GRID1: variants seen among roughly 807,000 people sequenced by gnomAD.
GRID1 encodes glutamate receptor ionotropic, delta-1.
Under a neutral mutation model 98.0 loss-of-function variants are expected in GRID1, and 28 were observed. The ratio of observed to expected loss-of-function variants is 0.29; its 90% confidence interval spans 0.21 to 0.39. The LOEUF is 0.39. Ranked by LOEUF, GRID1 falls within the 10% of genes least tolerant of loss-of-function variation. The pLI, the probability that GRID1 is intolerant of heterozygous loss-of-function variation, is 1.00. For synonymous variants in GRID1, 553 were observed against 538.5 expected (o/e 1.03, Z -0.37); for missense variants, 1,111 against 1,340.5 (o/e 0.83, Z 2.67).
At chr10:85,912,854 C>T (rs1041784075) in intron 5 of GRID1, among the ~76,000 whole-genome samples, 1 of 152,212 alleles carries the variant, frequency 6.6e-6, no homozygotes, top group Non-Finnish European at 1.5e-5. Context: ...ATAAGACAAA[C>T]AGGAAGGTGG....
intron 5 of GRID1, among the ~76,000 whole-genome samples, chr10:85,912,762 G>T (rs1003861893): frequency 6.6e-6 from 1 of 152,238 alleles, no homozygotes; most frequent in African/African-American, 2.4e-5. Flanking sequence ...TCTGGAGCAT[G>T]TTGGAAAGTG....
chr10:86,131,684 T>C lies in GRID1; in HGVS notation c.726+7135A>G, dbSNP rs75575923. ...TAAACACCAGAAAGTCCAGCGGCACTCAGGCCTTTTTCCCTGATGATTGCT... is the reference window on the plus strand; with the variant it reads ...TAAACACCAGAAAGTCCAGCGGCACCCAGGCCTTTTTCCCTGATGATTGCT... On this transcript the variant is annotated intron_variant, in intron 4 of 15. Transcript: ENST00000327946. Among the ~76,000 whole-genome samples, 18 of 152,352 alleles carry C rather than the reference T, an allele frequency of 1.2e-4. 1 individual carries two copies. Among genetic ancestry groups the C allele is most frequent in the African/African-American group, 4.1e-4 (17 of 41,588 alleles).
chr10:85,822,884 T>C (rs996069127), intron 8 of GRID1, among the ~76,000 whole-genome samples: 1 of 152,228 alleles, frequency 6.6e-6, no homozygotes, highest in Non-Finnish European at 1.5e-5. Flanking sequence ...TCACATCCTT[T>C]GTAGGGACAT....
intron 4 of GRID1, among the ~76,000 whole-genome samples, chr10:86,031,116 C>A (rs1464491143): frequency 6.6e-6 from 1 of 152,134 alleles, no homozygotes; most frequent in Non-Finnish European, 1.5e-5. Context: ...ACAGAGAGAG[C>A]TGTTTCTCTT....
chr10:86,347,799 A>G (rs1848406592), intron 2 of GRID1, among the ~76,000 whole-genome samples: 1 of 152,198 alleles, frequency 6.6e-6, no homozygotes, highest in Non-Finnish European at 1.5e-5. Flanking sequence ...CATGATTATT[A>G]TGACTCACAT....
chr10:86,330,571 C>T (rs1848125156), intron 2 of GRID1, among the ~76,000 whole-genome samples: 1 of 152,198 alleles, frequency 6.6e-6, no homozygotes, highest in Admixed American at 6.5e-5. Context: ...AGCATCTCAC[C>T]CCGTTCTTGC....
chr10:86,312,175 A>G (rs1847840605), intron 2 of GRID1, among the ~76,000 whole-genome samples: 1 of 152,314 alleles, frequency 6.6e-6, no homozygotes, highest in South Asian at 2.1e-4. Context: ...CTATCTCCAA[A>G]TGTTTCTAGA....
chr10:86,297,581 G>A (rs1847612616), intron 2 of GRID1, among the ~76,000 whole-genome samples: 1 of 152,120 alleles, frequency 6.6e-6, no homozygotes, highest in Non-Finnish European at 1.5e-5. Context: ...GTTTCATACT[G>A]ATAAAAGAAA....
chr10:85,797,741 C>T (rs937065866), intron 8 of GRID1, among the ~76,000 whole-genome samples: 4 of 152,144 alleles, frequency 2.6e-5, no homozygotes, highest in African/African-American at 4.8e-5. Context: ...TGAGCCACCA[C>T]GCCCAGCCCA....
intron 3 of GRID1, among the ~76,000 whole-genome samples, chr10:86,146,933 C>T (rs1845097220): frequency 6.6e-6 from 1 of 152,174 alleles, no homozygotes; most frequent in African/African-American, 2.4e-5. Flanking sequence ...AGCGGGGCAC[C>T]AAGCAGGCCC....
chr10:86,084,145 G>A (rs1008332458), intron 4 of GRID1, among the ~76,000 whole-genome samples: 2 of 152,132 alleles, frequency 1.3e-5, no homozygotes, highest in African/African-American at 4.8e-5. Context: ...GGGGTAGTAG[G>A]TACACACACA....
chr10:86,055,090 AG>A (rs1843554693), intron 4 of GRID1, among the ~76,000 whole-genome samples: 1 of 152,182 alleles, frequency 6.6e-6, no homozygotes, highest in Non-Finnish European at 1.5e-5. Context: ...CCAAAACTTA[AG>A]CTGACCACAG....
At chr10:85,942,550 T>A (rs1301398108) in intron 4 of GRID1, among the ~76,000 whole-genome samples, 1 of 152,222 alleles carries the variant, frequency 6.6e-6, no homozygotes, top group Non-Finnish European at 1.5e-5. Flanking sequence ...CTGCAGCTAC[T>A]GTAATCTTTA....
intron 1 of GRID1, 144 bp from the exon 2 acceptor site, chr10:86,364,240 T>A: frequency 1.5e-6 from 1 of 658,570 alleles, no homozygotes; most frequent in East Asian, 2.7e-5. Context: ...CGGGGTAGAT[T>A]AAGGCTCTCC....
intron 4 of GRID1, among the ~76,000 whole-genome samples, chr10:86,098,690 T>G (rs1480793900): frequency 6.6e-6 from 1 of 152,234 alleles, no homozygotes; most frequent in East Asian, 1.9e-4. Context: ...TGCATGTTCT[T>G]TAACTGAGTG....
intron 12 of GRID1, among the ~76,000 whole-genome samples, chr10:85,714,695 T>C (rs1307296271): frequency 6.6e-6 from 1 of 151,896 alleles, no homozygotes; most frequent in African/African-American, 2.4e-5. Context: ...AGGTGAAAAA[T>C]CTGTATGCCA....
chr10:86,142,897 G>C (rs1036973167), intron 3 of GRID1, among the ~76,000 whole-genome samples: 1 of 152,230 alleles, frequency 6.6e-6, no homozygotes, highest in African/African-American at 2.4e-5. Flanking sequence ...TCAGGGAATA[G>C]GAGATGCCAT....
At chr10:85,722,347 C>G (rs371338946) in intron 12 of GRID1, among the ~76,000 whole-genome samples, 1 of 152,192 alleles carries the variant, frequency 6.6e-6, no homozygotes, top group Admixed American at 6.5e-5. Flanking sequence ...ATGACCACTT[C>G]AACAACCACA....
chr10:86,146,182 C>A (rs1314182150), intron 3 of GRID1, among the ~76,000 whole-genome samples: 2 of 152,136 alleles, frequency 1.3e-5, no homozygotes, highest in Non-Finnish European at 1.5e-5. Context: ...CATATATATA[C>A]ATGAAGGCTG....
Sources: allele counts gnomAD v4.1 joint callset (sites outside exome capture counted in the v4.1 genomes callset), GRCh38; gene constraint gnomAD v4.1.1; transcripts MANE v1.5; gene names NCBI Gene and HGNC (gene_info 2026-07-23, HGNC 2026-07-21).